TM9SF3: variants seen among roughly 807,000 people sequenced by gnomAD.
TM9SF3 encodes transmembrane 9 superfamily member 3, also known as SM-11044-binding protein.
In TM9SF3, 14 loss-of-function variants were observed where a neutral mutation model predicts 78.6. The ratio of observed to expected loss-of-function variants is 0.18; its 90% confidence interval spans 0.12 to 0.28. The LOEUF is 0.28. Among genes scored for constraint, TM9SF3 ranks in the 10% least tolerant of loss-of-function variants. TM9SF3 has a pLI of 1.00. For synonymous variants in TM9SF3, 231 were observed against 241.7 expected (o/e 0.96, Z 0.41); for missense variants, 496 against 721.9 (o/e 0.69, Z 3.59).
chr10:96,561,978 T>C lies in TM9SF3; in HGVS notation c.582A>G (p.Ser194=). 1 of 1,607,370 alleles carries C rather than the reference T, an allele frequency of 6.2e-7. No homozygotes were observed. Among genetic ancestry groups the C allele is most frequent in the Non-Finnish European group, 8.5e-7 (1 of 1,177,848 alleles). ...TACATTAAACTATTTGAATACTTAC[T>C]GAATATGACATCTGGATTTTAGTAT... The part of the protein sequence containing the change: ...VPNTKIQMSY[S]VKWKKSDVKF... Residue 194 remains serine, a splice_region_variant and synonymous_variant, in exon 4 of 15, where the codon TCA becomes TCG. Transcript: ENST00000371142.
chr10:96,579,618 T>G (rs975155882), intron 1 of TM9SF3, among the ~76,000 whole-genome samples: 3 of 152,140 alleles, frequency 2.0e-5, no homozygotes, highest in African/African-American at 7.2e-5. Context: ...GTAATAAAAT[T>G]TATATCATTT....
intron 2 of TM9SF3, among the ~76,000 whole-genome samples, chr10:96,573,939 G>A (rs1445586191): frequency 2.0e-5 from 3 of 152,188 alleles, no homozygotes. Context: ...ATGGATTAAA[G>A]ACTTAAACGT....
At chr10:96,553,635 T>A (rs187947022) in intron 5 of TM9SF3, among the ~76,000 whole-genome samples, 1 of 152,192 alleles carries the variant, frequency 6.6e-6, no homozygotes, top group African/African-American at 2.4e-5. Context: ...CCTGAATGAT[T>A]TGCTTCACTT....
At chr10:96,578,414 T>C (rs1336339663) in intron 1 of TM9SF3, among the ~76,000 whole-genome samples, 31 of 152,180 alleles carry the variant, frequency 2.0e-4, no homozygotes, top group Admixed American at 2.0e-3. Context: ...AGGGCTATTG[T>C]AGCAACAATA....
chr10:96,539,764 C>A (rs1201659207), intron 9 of TM9SF3, among the ~76,000 whole-genome samples: 1 of 152,096 alleles, frequency 6.6e-6, no homozygotes, highest in African/African-American at 2.4e-5. Context: ...ACCATAACCA[C>A]TGCTCTCAGA....
At chr10:96,559,613 G>T in intron 5 of TM9SF3, 46 bp downstream of exon 5, 1 of 1,356,888 alleles carries the variant, frequency 7.4e-7, no homozygotes, top group Non-Finnish European at 1.0e-6. Context: ...TTTGTTGAAC[G>T]AATTGGTGCA....
chr10:96,576,248 G>C (rs1204012461), intron 2 of TM9SF3: 1 of 152,308 alleles, frequency 6.6e-6, no homozygotes, highest in East Asian at 1.9e-4. Context: ...TTTTCAGAAG[G>C]AAATATGTTA....
At chr10:96,554,622 G>A (rs542932288) in intron 5 of TM9SF3, among the ~76,000 whole-genome samples, 2 of 152,174 alleles carry the variant, frequency 1.3e-5, no homozygotes, top group South Asian at 4.1e-4. Context: ...TAGGCTCTCA[G>A]AACTTTTAAC....
intron 5 of TM9SF3, among the ~76,000 whole-genome samples, chr10:96,559,310 T>C (rs1848273788): frequency 6.6e-6 from 1 of 152,246 alleles, no homozygotes; most frequent in Non-Finnish European, 1.5e-5. Flanking sequence ...CAGATAGATA[T>C]AAGCCACATT....
chr10:96,540,443 TGAGCA>T (rs746720663), intron 9 of TM9SF3, among the ~76,000 whole-genome samples: 5 of 152,218 alleles, frequency 3.3e-5, no homozygotes, highest in Non-Finnish European at 7.3e-5. Context: ...ATCATTTTTA[TGAGCA>T]ACAAGACTTT....
intron 1 of TM9SF3, among the ~76,000 whole-genome samples, chr10:96,582,806 G>A (rs979227557): frequency 2.0e-5 from 3 of 152,034 alleles, no homozygotes; most frequent in African/African-American, 7.3e-5. Flanking sequence ...AGGGTCAGGC[G>A]CAGTGGCTCA....
chr10:96,559,567 T>C (rs990322887), intron 5 of TM9SF3, 92 bp downstream of exon 5: 3 of 883,450 alleles, frequency 3.4e-6, no homozygotes, highest in African/African-American at 3.4e-5. Flanking sequence ...TCCACAGTCC[T>C]CAACACAGTG....
rs573188218 is a variant in TM9SF3 at position 96,539,668 on chromosome 10, T to C, written c.1185+4408A>G. Among the ~76,000 whole-genome samples the C allele has an allele frequency of 1.2e-4, 19 of 152,324 alleles. No individual in the cohort carries two copies. The East Asian group carries it at 2.3e-3, about 19-fold the overall frequency. On this transcript the variant is annotated intron_variant, in intron 9 of 14. Transcript: ENST00000371142. ...TGTATGTATATCAAAATTCATCAAA[T>C]TGTACACTTTAAATTTATGCAACTT...
In TM9SF3 at chr10:96,544,128, T is replaced by C. The variant is rs200437634; in HGVS notation, c.1133A>G (p.Asn378Ser). ...AGCATGGTAATAAATGGCTATGAAATTGATGAAGAAGGCAGTGCCACACAC... is the reference window on the plus strand; with the variant it reads ...AGCATGGTAATAAATGGCTATGAAACTGATGAAGAAGGCAGTGCCACACAC... ...AMVCGTAFFINFIAIYYHASR... is the reference protein window; with the variant it reads ...AMVCGTAFFISFIAIYYHASR... Residue 378 changes from asparagine to serine, a missense_variant, in exon 9 of 15, where the codon AAT becomes AGT. This residue lies in a region of TM9SF3 where 280 missense variants were observed against 422.6 expected (regional missense o/e 0.66). Coordinates refer to ENST00000371142, the MANE Select transcript of TM9SF3 (RefSeq NM_020123.4). 6.8e-6 allele frequency: 11 copies of C among 1,613,332 alleles called. No homozygotes were observed. The highest frequency in any genetic ancestry group is 2.2e-5 in the East Asian group (1 of 44,830).
At chr10:96,559,803 C>T in intron 4 of TM9SF3, 67 bp from the exon 5 acceptor site, 1 of 905,436 alleles carries the variant, frequency 1.1e-6, no homozygotes, top group South Asian at 1.8e-5. Context: ...TGACAAAACT[C>T]TGAGCAAAAT....
intron 1 of TM9SF3, among the ~76,000 whole-genome samples, chr10:96,583,705 TA>T (rs1848599624): frequency 6.6e-6 from 1 of 150,436 alleles, no homozygotes. Context: ...CGTAGGTTAT[TA>T]ATAGATGAGT....
chr10:96,575,407 G>T (rs992525142), intron 2 of TM9SF3, among the ~76,000 whole-genome samples: 1 of 149,326 alleles, frequency 6.7e-6, no homozygotes, highest in African/African-American at 2.5e-5. Flanking sequence ...CCATGCCACT[G>T]TGGTTTAAAT....
At chr10:96,570,525 A>T (rs576984710) in intron 2 of TM9SF3, among the ~76,000 whole-genome samples, 5 of 152,362 alleles carry the variant, frequency 3.3e-5, no homozygotes, top group African/African-American at 1.2e-4. Flanking sequence ...GGTAATAAGA[A>T]TTGACAAATT....
rs756509910 is a variant in TM9SF3, at chr10:96,530,499, A to T, written c.1394+41T>A. The T allele has an allele frequency of 7.9e-6, 12 of 1,523,496 alleles. No homozygotes were observed. The African/African-American group carries it at 1.7e-4, about 21-fold the overall frequency. The allele number at this position is 1,523,496 out of a possible 1,614,324, so 94.4% of individuals were successfully genotyped here. ...CCTAACTCCTAAATTGTCTTACTAT[A>T]ATCAAATCCCTCAAAACATAAATAC... On this transcript the variant is annotated intron_variant, in intron 11 of 14. Transcript: ENST00000371142.
Sources: gnomAD v4.1 joint callset for allele counts (sites outside exome capture counted in the v4.1 genomes callset) on GRCh38, gnomAD v4.1.1 for gene constraint, gnomAD v4.1.1 regional missense constraint, MANE v1.5 for transcripts, NCBI Gene and HGNC (gene_info 2026-07-23, HGNC 2026-07-21) for gene names.